The following ITK variants were observed in gnomAD, a reference collection of about 807,000 sequenced individuals.
The protein encoded by ITK is IL2 inducible T cell kinase.
A neutral mutation model predicts 87.6 loss-of-function variants in ITK; 45 were observed. The observed-to-expected ratio is 0.51, with a 90% CI of 0.40 to 0.66. The LOEUF (loss-of-function observed/expected upper bound fraction) is 0.66, where lower values mean the gene tolerates loss of function less well. ITK is among the 30% of genes least tolerant of loss of function. ITK has a pLI of 0.00. For missense variants in ITK, 605 were observed against 766.3 expected, an observed-to-expected ratio of 0.79 and a Z score of 2.48; for synonymous variants, 303 against 273.6, an observed-to-expected ratio of 1.11 and a Z score of -1.06.
intron 1 of ITK, among the ~76,000 whole-genome samples, chr5:157,201,515 T>C (rs1045669297): frequency 6.6e-6 from 1 of 151,974 alleles, no homozygotes; most frequent in Non-Finnish European, 1.5e-5. Context: ...TAGGCTGGTC[T>C]CAAACTCCTG....
chr5:157,181,265 G>T, intron 1 of ITK, 150 bp downstream of exon 1: 1 of 891,460 alleles, frequency 1.1e-6, no homozygotes. Flanking sequence ...AAAGTAATCA[G>T]AGGAGAATGC....
intron 16 of ITK, among the ~76,000 whole-genome samples, chr5:157,251,658 A>T (rs910965867): frequency 3.3e-5 from 5 of 152,190 alleles, no homozygotes; most frequent in Non-Finnish European, 5.9e-5. Context: ...TAGGTCTATG[A>T]TCCACTTTGA....
At chr5:157,237,211 C>T (rs536072302) in intron 8 of ITK, among the ~76,000 whole-genome samples, 163 of 152,214 alleles carry the variant, frequency 1.1e-3, no homozygotes, top group African/African-American at 3.8e-3. Context: ...TAACATGCGC[C>T]CTGAAAAAGA....
chr5:157,252,977 A>G lies in ITK; in HGVS notation c.*299A>G, dbSNP rs1325538192. ...AACCTCAACCTGACAGCTTTCAGACAGCATTCTTGCACTTCTTAGCAACAG... is the reference window on the plus strand; with the variant it reads ...AACCTCAACCTGACAGCTTTCAGACGGCATTCTTGCACTTCTTAGCAACAG... On this transcript the variant is annotated 3_prime_UTR_variant, in exon 17 of 17. Coordinates refer to ENST00000422843, the MANE Select transcript of ITK (RefSeq NM_005546.4). 3.6e-5 allele frequency: 17 copies of G among 478,076 alleles called. No individual in the cohort carries two copies. Among genetic ancestry groups the G allele is most frequent in the Admixed American group, 9.9e-5 (3 of 30,368 alleles). 29.6% of individuals were successfully genotyped at this position (478,076 alleles called of 1,614,324 possible).
At position 157,254,327 on chromosome 5, in the gene ITK, A is replaced by T. The variant is rs1280303011; in HGVS notation, c.*1649A>T. The T allele has an allele frequency of 8.9e-6, 2 of 225,896 alleles. No individual in the cohort carries two copies. The allele number at this position is 225,896 out of a possible 1,614,324, so 14.0% of individuals were successfully genotyped here. ...TGACTTTGGAGTTATTCAGTTAATGACCCTTTAATTCTCACAACCAACCAG... is the reference window on the plus strand; with the variant it reads ...TGACTTTGGAGTTATTCAGTTAATGTCCCTTTAATTCTCACAACCAACCAG... On this transcript the variant is annotated 3_prime_UTR_variant, in exon 17 of 17. Coordinates refer to ENST00000422843, the MANE Select transcript of ITK (RefSeq NM_005546.4).
Position 157,180,879 on chromosome 5 carries a change from A to T in ITK, c.-99A>T. On this transcript the variant is annotated 5_prime_UTR_variant, in exon 1 of 17. Transcript: ENST00000422843. The stretch of plus-strand genomic sequence containing the variant: ...GTTGCCCTTGAGCAGCTCTCTGAAG[A>T]TCAACTGCCTCCACATTGCATTCTT... 8.3e-7 allele frequency: 1 copy of T among 1,201,244 alleles called. No homozygotes were observed. The highest frequency in any genetic ancestry group is 1.2e-6 in the Non-Finnish European group (1 of 813,634). The allele number at this position is 1,201,244 out of a possible 1,614,324, so 74.4% of individuals were successfully genotyped here. A position where few individuals can be genotyped will look rare whatever the true frequency, so the allele number is the denominator to read the frequency against.
intron 1 of ITK, among the ~76,000 whole-genome samples, chr5:157,203,442 C>A (rs1015888386): frequency 6.6e-6 from 1 of 152,188 alleles, no homozygotes; most frequent in East Asian, 1.9e-4. Flanking sequence ...TGGTCTCTGA[C>A]CTTAGGGAGC....
intron 1 of ITK, chr5:157,199,355 C>A (rs960020869): frequency 1.3e-5 from 2 of 152,096 alleles, no homozygotes; most frequent in African/African-American, 4.8e-5. Flanking sequence ...AACTTCTCAT[C>A]GACACATTTG....
intron 16 of ITK, among the ~76,000 whole-genome samples, chr5:157,249,848 C>T (rs1278385038): frequency 6.6e-6 from 1 of 152,164 alleles, no homozygotes; most frequent in Non-Finnish European, 1.5e-5. Flanking sequence ...ATCTTATCCA[C>T]TTCATAAGGA....
At chr5:157,249,659 T>C (rs1490614008) in intron 16 of ITK, among the ~76,000 whole-genome samples, 3 of 152,244 alleles carry the variant, frequency 2.0e-5, no homozygotes, top group Non-Finnish European at 4.4e-5. Flanking sequence ...ACAAAAAATT[T>C]GGAACACTAG....
intron 5 of ITK, among the ~76,000 whole-genome samples, chr5:157,222,529 T>C (rs950515311): frequency 6.6e-6 from 1 of 152,186 alleles, no homozygotes; most frequent in South Asian, 2.1e-4. Context: ...AACTGAAAGA[T>C]TTCATGTTGA....
At chr5:157,233,947 ATATATATATATATATATTTTTTT>A (rs1561661117) in intron 8 of ITK, among the ~76,000 whole-genome samples, 2 of 17,518 alleles carry the variant, frequency 1.1e-4, no homozygotes, top group Non-Finnish European at 2.2e-4. Context: ...ATATATATAT[ATATATATATATATATATTTTTTT>A]TTTTTTTTTT....
chr5:157,218,575 G>A (rs1370957144), intron 5 of ITK, among the ~76,000 whole-genome samples: 2 of 150,604 alleles, frequency 1.3e-5, no homozygotes, highest in African/African-American at 2.4e-5. Context: ...ACATACATTT[G>A]TTGATATTTT....
chr5:157,248,736 G>T, intron 15 of ITK, 114 bp from the exon 16 acceptor site: 1 of 1,187,174 alleles, frequency 8.4e-7, no homozygotes, highest in East Asian at 2.3e-5. Flanking sequence ...ATGCACTTCT[G>T]GAGGTAGCAC....
At chr5:157,201,836 T>C (rs1324224310) in intron 1 of ITK, among the ~76,000 whole-genome samples, 3 of 151,976 alleles carry the variant, frequency 2.0e-5, no homozygotes, top group Non-Finnish European at 4.4e-5. Flanking sequence ...AACATACAAA[T>C]TAATTTTTTT....
chr5:157,190,781 A>G (rs1367148447), intron 1 of ITK, among the ~76,000 whole-genome samples: 2 of 152,186 alleles, frequency 1.3e-5, no homozygotes, highest in Non-Finnish European at 2.9e-5. Flanking sequence ...AAAGACCCTG[A>G]GGAAGGAAAA....
chr5:157,224,505 G>A (rs1225934957), intron 6 of ITK: 2 of 152,050 alleles, frequency 1.3e-5, no homozygotes. Context: ...GCCGGCCGCA[G>A]TGGCTCAGGC....
At chr5:157,205,478 A>T (rs1328046938) in intron 1 of ITK, among the ~76,000 whole-genome samples, 1 of 152,256 alleles carries the variant, frequency 6.6e-6, no homozygotes, top group Non-Finnish European at 1.5e-5. Context: ...AAACTTTTTT[A>T]AAAGACATTT....
intron 1 of ITK, among the ~76,000 whole-genome samples, chr5:157,198,933 T>C (rs1056343098): frequency 1.3e-5 from 2 of 152,130 alleles, no homozygotes; most frequent in African/African-American, 4.8e-5. Flanking sequence ...TGGCTAACTT[T>C]TAAAATTTTT....
Sources: gnomAD v4.1 joint callset for allele counts (sites outside exome capture counted in the v4.1 genomes callset) on GRCh38, gnomAD v4.1.1 for gene constraint, MANE v1.5 for transcripts, NCBI Gene and HGNC (gene_info 2026-07-23, HGNC 2026-07-21) for gene names.